PDE4D: variants seen among roughly 807,000 people sequenced by gnomAD.
PDE4D encodes the protein phosphodiesterase 4D.
Under a neutral mutation model 87.4 loss-of-function variants are expected in PDE4D, and 24 were observed. The observed-to-expected ratio is 0.27, with a 90% CI of 0.20 to 0.39. PDE4D has a LOEUF of 0.39. PDE4D is among the 10% of genes least tolerant of loss of function. The pLI, the probability that PDE4D is intolerant of heterozygous loss-of-function variation, is 1.00. For synonymous variants in PDE4D, 384 were observed against 383.2 expected, an observed-to-expected ratio of 1.00 and a Z score of -0.02; for missense variants, 714 against 1,041.0, an observed-to-expected ratio of 0.69 and a Z score of 4.32.
chr5:59,285,873 T>C lies in PDE4D; in HGVS notation c.456-69905A>G, dbSNP rs1581766756. On this transcript the variant is annotated intron_variant, in intron 1 of 14. Transcript: ENST00000340635. ...TCTATGAATGAGATGGCTGTTTCTC[T>C]GGATGAAAAGGCTGCATCCTGGCCA... 3.9e-5 allele frequency among the ~76,000 whole-genome samples: 6 copies of C among 152,290 alleles called. 1 individual carries two copies. The South Asian group carries it at 1.2e-3, about 32-fold the overall frequency.
intron 2 of PDE4D, among the ~76,000 whole-genome samples, chr5:60,089,163 G>C (rs1398532947): frequency 6.6e-6 from 1 of 151,946 alleles, no homozygotes; most frequent in Non-Finnish European, 1.5e-5. Flanking sequence ...AGAAACATCA[G>C]AATTAAACTT....
chr5:60,357,582 T>A (rs1412178885), intron 1 of PDE4D, among the ~76,000 whole-genome samples: 1 of 152,202 alleles, frequency 6.6e-6, no homozygotes, highest in Non-Finnish European at 1.5e-5. Context: ...AAGACTAAAC[T>A]TTTATGTCTT....
intron 5 of PDE4D, among the ~76,000 whole-genome samples, chr5:59,072,050 C>T (rs1171631891): frequency 6.6e-6 from 1 of 152,088 alleles, no homozygotes; most frequent in Non-Finnish European, 1.5e-5. Context: ...CTTACTTTTT[C>T]TAAGTATTTG....
intron 1 of PDE4D, among the ~76,000 whole-genome samples, chr5:59,239,563 T>G (rs1396123061): frequency 6.6e-6 from 1 of 152,222 alleles, no homozygotes; most frequent in Non-Finnish European, 1.5e-5. Flanking sequence ...TCTCATTTGA[T>G]TTTTATTACT....
At chr5:59,199,655 A>C (rs1225415019) in intron 2 of PDE4D, among the ~76,000 whole-genome samples, 1 of 152,122 alleles carries the variant, frequency 6.6e-6, no homozygotes, top group Non-Finnish European at 1.5e-5. Context: ...AGAAACAAGT[A>C]TGTTCTAATT....
intron 1 of PDE4D, among the ~76,000 whole-genome samples, chr5:60,460,973 CAA>C (rs1476197373): frequency 1.3e-5 from 2 of 151,556 alleles, no homozygotes; most frequent in African/African-American, 4.9e-5. Flanking sequence ...TTGGACCCCC[CAA>C]GGAAGCTAAT....
intron 1 of PDE4D, among the ~76,000 whole-genome samples, chr5:59,335,722 A>G (rs2153579192): frequency 6.6e-6 from 1 of 152,350 alleles, no homozygotes; most frequent in South Asian, 2.1e-4. Context: ...TCCTAAAGAT[A>G]GAAACTAAAA....
chr5:59,263,846 G>C (rs1170939453), intron 1 of PDE4D, among the ~76,000 whole-genome samples: 2 of 151,778 alleles, frequency 1.3e-5, no homozygotes, highest in Non-Finnish European at 2.9e-5. Context: ...GGCTTAAAGG[G>C]GCATAAAGGT....
intron 1 of PDE4D, among the ~76,000 whole-genome samples, chr5:59,270,733 A>T (rs904658707): frequency 6.6e-6 from 1 of 152,194 alleles, no homozygotes; most frequent in East Asian, 1.9e-4. Flanking sequence ...TGCATCTAGA[A>T]ATATTCACAA....
rs552016480 is a variant in PDE4D at position 60,293,622 on chromosome 5, G to A, written c.-89-107935C>T. Among the ~76,000 whole-genome samples the A allele has an allele frequency of 5.3e-5, 8 of 152,274 alleles. No individual in the cohort carries two copies. In the East Asian group the frequency reaches 1.2e-3, roughly 22 times the overall value. ...TCTCTCTGGTCAGTCTTCCCTTTCAGAGGCTAACCTTTTTCCCTTTTTCTA... is the reference window on the plus strand; with the variant it reads ...TCTCTCTGGTCAGTCTTCCCTTTCAAAGGCTAACCTTTTTCCCTTTTTCTA... On this transcript the variant is annotated intron_variant, in intron 1 of 16. Coordinates refer to the PDE4D transcript ENST00000502484.
chr5:59,532,275 C>T (rs1035780204), intron 1 of PDE4D, among the ~76,000 whole-genome samples: 12 of 152,126 alleles, frequency 7.9e-5, no homozygotes, highest in Admixed American at 6.5e-4. Context: ...GCTGGGATTA[C>T]AGGCACCTGC....
chr5:59,682,518 T>C (rs992515901), intron 1 of PDE4D, among the ~76,000 whole-genome samples: 1 of 152,220 alleles, frequency 6.6e-6, no homozygotes. Flanking sequence ...TCCAAATTCA[T>C]ATGTTGAAAC....
chr5:60,145,295 C>T (rs1187854000), intron 2 of PDE4D, among the ~76,000 whole-genome samples: 1 of 152,204 alleles, frequency 6.6e-6, no homozygotes, highest in Non-Finnish European at 1.5e-5. Flanking sequence ...CCATGTGGCA[C>T]ACTCAAGAAT....
intron 1 of PDE4D, among the ~76,000 whole-genome samples, chr5:59,538,695 C>A (rs1265803981): frequency 1.3e-5 from 2 of 152,178 alleles, no homozygotes; most frequent in African/African-American, 2.4e-5. Flanking sequence ...AATACTACAA[C>A]CTCAAAGACT....
chr5:59,186,029 TAGG>T (rs1466601601), intron 3 of PDE4D, among the ~76,000 whole-genome samples: 1 of 152,142 alleles, frequency 6.6e-6, no homozygotes, highest in East Asian at 1.9e-4. Flanking sequence ...GAAGTGAGCC[TAGG>T]AGAAGGTTCC....
intron 1 of PDE4D, among the ~76,000 whole-genome samples, chr5:60,282,418 G>T (rs936532038): frequency 6.6e-6 from 1 of 151,952 alleles, no homozygotes; most frequent in African/African-American, 2.4e-5. Context: ...AGATCCCAAG[G>T]TTTCAGTGAC....
chr5:59,210,244 C>T (rs532701779), intron 2 of PDE4D, among the ~76,000 whole-genome samples: 8 of 152,328 alleles, frequency 5.3e-5, no homozygotes, highest in Middle Eastern at 3.4e-3. Context: ...TGTAATGCAA[C>T]GTGTCTTTTT....
chr5:60,426,967 GA>G (rs1743777856), intron 1 of PDE4D, among the ~76,000 whole-genome samples: 1 of 152,086 alleles, frequency 6.6e-6, no homozygotes, highest in Admixed American at 6.6e-5. Context: ...GATGGCAGAA[GA>G]AAAGAGAACC....
intron 5 of PDE4D, among the ~76,000 whole-genome samples, chr5:59,170,189 T>C (rs1013113796): frequency 6.6e-6 from 1 of 152,178 alleles, no homozygotes; most frequent in African/African-American, 2.4e-5. Context: ...AGCTAATTTT[T>C]AAAATTTTTT....
Sources: gnomAD v4.1 joint callset for allele counts (sites outside exome capture counted in the v4.1 genomes callset) on GRCh38, gnomAD v4.1.1 for gene constraint, MANE v1.5 for transcripts, NCBI Gene and HGNC (gene_info 2026-07-23, HGNC 2026-07-21) for gene names.